CCDC12: variants seen among roughly 807,000 people sequenced by gnomAD.
CCDC12 encodes the protein coiled-coil domain-containing protein 12.
A neutral mutation model predicts 25.7 loss-of-function variants in CCDC12; 28 were observed. That is an observed-to-expected ratio of 1.09 (90% CI 0.81 to 1.50). The LOEUF (loss-of-function observed/expected upper bound fraction) is 1.50. Ranked by LOEUF, CCDC12 falls within the 40% of genes most tolerant of loss-of-function variation. The pLI is 0.00. For synonymous variants in CCDC12, 75 were observed against 87.7 expected (o/e 0.86, Z 0.81); for missense variants, 198 against 210.0 (o/e 0.94, Z 0.35).
chr3:46,968,207 G>A (rs193288443), intron 1 of CCDC12, among the ~76,000 whole-genome samples: 105 of 152,186 alleles, frequency 6.9e-4, no homozygotes, highest in Middle Eastern at 6.8e-3. Context: ...TAGGAAGAAC[G>A]GGCACTCACA....
chr3:46,923,558 A>T (rs2032795169), intron 4 of CCDC12, 49 bp downstream of exon 4: 6 of 1,576,530 alleles, frequency 3.8e-6, no homozygotes, highest in African/African-American at 1.3e-5. Context: ...GCGAAGAGAA[A>T]CAGGACACAC....
intron 2 of CCDC12, among the ~76,000 whole-genome samples, chr3:46,928,771 A>G (rs1185155583): frequency 6.6e-6 from 1 of 152,252 alleles, no homozygotes; most frequent in Non-Finnish European, 1.5e-5. Flanking sequence ...ACTAAAAGGA[A>G]TACTTTAGGC....
chr3:46,975,518 A>AATCTTTT (rs1474441272), intron 1 of CCDC12, among the ~76,000 whole-genome samples: 17 of 144,150 alleles, frequency 1.2e-4, no homozygotes, highest in African/African-American at 4.1e-4. Context: ...GTTAGAAATA[A>AATCTTTT]ATCTTTTCTT....
chr3:46,937,061 G>A (rs2033473923), intron 2 of CCDC12, among the ~76,000 whole-genome samples: 1 of 152,196 alleles, frequency 6.6e-6, no homozygotes, highest in Non-Finnish European at 1.5e-5. Context: ...AGACAACTTA[G>A]TCTTTCCCAT....
chr3:46,922,425 G>A, intron 5 of CCDC12, 113 bp from the exon 6 acceptor site: 1 of 1,187,284 alleles, frequency 8.4e-7, no homozygotes, highest in Non-Finnish European at 1.2e-6. Context: ...GGTTGCTGGA[G>A]GGGGCTGCCC....
At chr3:46,941,216 G>A in intron 1 of CCDC12, 151 bp from the exon 2 acceptor site, 1 of 707,656 alleles carries the variant, frequency 1.4e-6, no homozygotes, top group Non-Finnish European at 2.5e-6. Context: ...GTACACGCCT[G>A]CTGCATCTCA....
At chr3:46,932,839 C>T (rs1264124610) in intron 2 of CCDC12, among the ~76,000 whole-genome samples, 1 of 152,246 alleles carries the variant, frequency 6.6e-6, no homozygotes, top group East Asian at 1.9e-4. Flanking sequence ...CTCTCAGAGG[C>T]CACCTCTCGA....
intron 2 of CCDC12, among the ~76,000 whole-genome samples, chr3:46,933,647 C>CT (rs1482606180): frequency 6.6e-6 from 1 of 152,184 alleles, no homozygotes; most frequent in African/African-American, 2.4e-5. Flanking sequence ...CCCATCCCAC[C>CT]TGAAAGCCCA....
At chr3:46,951,810 TATATATATATATAC>T (rs1342648929) in intron 1 of CCDC12, among the ~76,000 whole-genome samples, 2 of 46,988 alleles carry the variant, frequency 4.3e-5, no homozygotes, top group Non-Finnish European at 8.2e-5. Flanking sequence ...TATATATATA[TATATATATATATAC>T]TTAATGAGGA....
chr3:46,940,893 G>C, intron 2 of CCDC12, 105 bp downstream of exon 2: 1 of 1,072,274 alleles, frequency 9.3e-7, no homozygotes, highest in South Asian at 1.3e-5. Context: ...AAGAAGAGGG[G>C]AGGGAACAGG....
intron 2 of CCDC12, among the ~76,000 whole-genome samples, chr3:46,930,820 C>T (rs759827321): frequency 7.9e-5 from 12 of 152,172 alleles, no homozygotes; most frequent in Non-Finnish European, 1.0e-4. Context: ...GCACAGTAAC[C>T]GCCCTTCTCC....
chr3:46,976,010 TA>T (rs1291507818), intron 1 of CCDC12: 2 of 151,202 alleles, frequency 1.3e-5, no homozygotes, highest in African/African-American at 4.9e-5. Flanking sequence ...CACGCCCGGC[TA>T]ATTTTTGTAT....
chr3:46,931,421 A>C (rs144649450), intron 2 of CCDC12, among the ~76,000 whole-genome samples: 1 of 152,332 alleles, frequency 6.6e-6, no homozygotes, highest in East Asian at 1.9e-4. Flanking sequence ...GGAAGCTTTG[A>C]GATTATGAAT....
intron 1 of CCDC12, among the ~76,000 whole-genome samples, chr3:46,964,303 G>A (rs1306460365): frequency 3.3e-5 from 5 of 150,020 alleles, no homozygotes; most frequent in Middle Eastern, 3.6e-3. Flanking sequence ...GCCCCCGCCC[G>A]GCCAGCCGCC....
At position 46,928,989 on chromosome 3, in the gene CCDC12, C is replaced by CA. The variant is rs200066639; in HGVS notation, c.165-3455dup. ...TAGGTGACAAAGCAAGACCCTGTCT[C>CA]AAAAAAAAAGCAGGGGGAAAAGAGA... is the stretch of plus-strand genomic sequence containing the variant. On this transcript the variant is annotated intron_variant, in intron 2 of 6. Transcript: ENST00000683445. Among the ~76,000 whole-genome samples the CA allele has an allele frequency of 3.1e-3, 459 of 148,276 alleles. 22 individuals are homozygous for CA. In the East Asian group the frequency reaches 0.079, roughly 26 times the overall value.
chr3:46,944,953 A>G (rs1425361841), intron 1 of CCDC12, among the ~76,000 whole-genome samples: 6 of 152,128 alleles, frequency 3.9e-5, no homozygotes, highest in Admixed American at 2.0e-4. Flanking sequence ...AAATCCTGAA[A>G]TATCTACTCT....
chr3:46,957,595 A>G lies in CCDC12; in HGVS notation c.97-16530T>C, dbSNP rs114184058. On this transcript the variant is annotated intron_variant, in intron 1 of 6. Coordinates refer to ENST00000683445, the MANE Select transcript of CCDC12 (RefSeq NM_001277074.2). ...CGAAGTGTGTGGCAGGCCAGGTCTC[A>G]CTAACGCAGGCCTCCGTTACGTTTC... is the stretch of plus-strand genomic sequence containing the variant. Among the ~76,000 whole-genome samples the G allele has an allele frequency of 3.7e-3, 565 of 152,256 alleles. 4 individuals carry two copies. Among genetic ancestry groups the G allele is most frequent in the African/African-American group, 0.013 (539 of 41,532 alleles).
intron 2 of CCDC12, among the ~76,000 whole-genome samples, chr3:46,935,063 G>A (rs1417644700): frequency 6.6e-6 from 1 of 152,238 alleles, no homozygotes; most frequent in Non-Finnish European, 1.5e-5. Context: ...CTGGGCCTTA[G>A]CTGGGGTGGG....
At chr3:46,928,065 AGGGC>A (rs1559548983) in intron 2 of CCDC12, among the ~76,000 whole-genome samples, 1 of 152,182 alleles carries the variant, frequency 6.6e-6, no homozygotes. Flanking sequence ...CCTGGCCAAC[AGGGC>A]GAAACCCGGT....
Sources: gnomAD v4.1 joint callset for allele counts (sites outside exome capture counted in the v4.1 genomes callset) on GRCh38, gnomAD v4.1.1 for gene constraint, MANE v1.5 for transcripts, NCBI Gene and HGNC (gene_info 2026-07-23, HGNC 2026-07-21) for gene names.